ARHGAP12: variants seen among roughly 807,000 people sequenced by gnomAD.
The protein encoded by ARHGAP12 is rho GTPase-activating protein 12.
A neutral mutation model predicts 108.6 loss-of-function variants in ARHGAP12; 64 were observed. That is an observed-to-expected ratio of 0.59 (90% confidence interval 0.48 to 0.73). ARHGAP12 has a LOEUF of 0.73. Ranked by LOEUF, ARHGAP12 falls within the 30% of genes least tolerant of loss-of-function variation. The pLI, the probability that ARHGAP12 is intolerant of heterozygous loss-of-function variation, is 0.00. For synonymous variants in ARHGAP12, 312 were observed against 337.2 expected (o/e 0.93, Z 0.82); for missense variants, 940 against 1,005.9 (o/e 0.93, Z 0.89).
intron 10 of ARHGAP12, among the ~76,000 whole-genome samples, chr10:31,830,237 A>T (rs538262457): frequency 2.0e-5 from 3 of 152,146 alleles, no homozygotes; most frequent in Non-Finnish European, 4.4e-5. Context: ...CATTTAAAGG[A>T]GTCTTCAGAC....
At position 31,908,199 on chromosome 10, in the gene ARHGAP12, A is replaced by G. The variant is rs181642145; in HGVS notation, c.657T>C (p.Leu219=). ...IHQDSESGDE[L]SSSSTEQIRA... is the part of the protein sequence containing the mutation. Reference sequence around the variant, plus strand: ...TTATCTGTTCAGTGGAGCTGCTGCTAAGTTCATCACCAGATTCAGAATCTT... The same window carrying G: ...TTATCTGTTCAGTGGAGCTGCTGCTGAGTTCATCACCAGATTCAGAATCTT... Residue 219 remains leucine, a synonymous_variant, in exon 3 of 20, where the codon CTT becomes CTC. Coordinates refer to ENST00000344936, the MANE Select transcript of ARHGAP12 (RefSeq NM_018287.7). 1.3e-4 allele frequency: 212 copies of G among 1,608,842 alleles called. 1 individual carries two copies. The highest frequency in any genetic ancestry group is 1.2e-3 in the Middle Eastern group (7 of 6,014).
intron 1 of ARHGAP12, among the ~76,000 whole-genome samples, chr10:31,917,952 C>A (rs372271840): frequency 1.4e-5 from 2 of 147,900 alleles, no homozygotes; most frequent in African/African-American, 2.5e-5. Context: ...ATATCAAATA[C>A]CTTTTTTTTT....
At chr10:31,812,462 T>C (rs1242332260) in intron 15 of ARHGAP12, among the ~76,000 whole-genome samples, 1 of 152,212 alleles carries the variant, frequency 6.6e-6, no homozygotes, top group East Asian at 1.9e-4. Flanking sequence ...ATCACATCCA[T>C]GTAGTTCCTC....
chr10:31,841,059 A>T (rs1031842654), intron 7 of ARHGAP12, among the ~76,000 whole-genome samples: 7 of 152,142 alleles, frequency 4.6e-5, no homozygotes, highest in Non-Finnish European at 7.4e-5. Context: ...AATGATAATT[A>T]TATTTTTCAT....
intron 1 of ARHGAP12, among the ~76,000 whole-genome samples, chr10:31,917,262 G>A (rs932473417): frequency 3.3e-5 from 5 of 151,986 alleles, no homozygotes; most frequent in Non-Finnish European, 7.4e-5. Flanking sequence ...ATAAAAATTA[G>A]CCAGGCGTGG....
In ARHGAP12 at chr10:31,808,642, C is replaced by T. The variant is rs1834906932; in HGVS notation, c.2366+7G>A. 6.2e-7 allele frequency: 1 copy of T among 1,612,754 alleles called. No homozygotes were observed. Among genetic ancestry groups the T allele is most frequent in the Admixed American group, 1.7e-5 (1 of 59,954 alleles). ...TACCACATCCCATGACTGGGCAGTC[C>T]TCCTACCTTCTGAGATGTCGGAAAA... On this transcript the variant is annotated splice_region_variant and intron_variant, in intron 19 of 19. Coordinates refer to ENST00000344936, the MANE Select transcript of ARHGAP12 (RefSeq NM_018287.7).
chr10:31,916,173 CACTT>C (rs1839547614), intron 1 of ARHGAP12, among the ~76,000 whole-genome samples: 1 of 152,152 alleles, frequency 6.6e-6, no homozygotes, highest in African/African-American at 2.4e-5. Flanking sequence ...TCATCCCAAA[CACTT>C]ACAACTACTA....
At chr10:31,897,171 T>A (rs1466884837) in intron 3 of ARHGAP12, among the ~76,000 whole-genome samples, 1 of 152,100 alleles carries the variant, frequency 6.6e-6, no homozygotes, top group East Asian at 1.9e-4. Flanking sequence ...AAAAAATAAC[T>A]AGTATGAAAT....
intron 18 of ARHGAP12, 121 bp from the exon 19 acceptor site, chr10:31,808,872 G>A (rs1834915234): frequency 1.4e-6 from 2 of 1,379,550 alleles, no homozygotes; most frequent in South Asian, 1.3e-5. Flanking sequence ...CATTTAAAAT[G>A]TTTGGAGTAA....
At chr10:31,902,621 C>T (rs933684091) in intron 3 of ARHGAP12, among the ~76,000 whole-genome samples, 2 of 150,294 alleles carry the variant, frequency 1.3e-5, no homozygotes, top group Non-Finnish European at 3.0e-5. Flanking sequence ...TAATGAGCTA[C>T]AATCGTGCCA....
chr10:31,850,229 T>C (rs1197418172), intron 6 of ARHGAP12, among the ~76,000 whole-genome samples: 1 of 152,228 alleles, frequency 6.6e-6, no homozygotes, highest in Admixed American at 6.5e-5. Context: ...GTTTATTTAA[T>C]TATTGTATTA....
At chr10:31,868,302 T>C (rs1837408429) in intron 3 of ARHGAP12, among the ~76,000 whole-genome samples, 1 of 152,092 alleles carries the variant, frequency 6.6e-6, no homozygotes, top group South Asian at 2.1e-4. Flanking sequence ...GAAATTCCAA[T>C]TAAATTTTAA....
chr10:31,850,923 TTG>T (rs1347359453), intron 6 of ARHGAP12, among the ~76,000 whole-genome samples: 9 of 152,296 alleles, frequency 5.9e-5, no homozygotes, highest in African/African-American at 2.2e-4. Context: ...TTTTATTGAA[TTG>T]TGTTTCATAA....
At chr10:31,830,718 C>T (rs888867438) in intron 10 of ARHGAP12, among the ~76,000 whole-genome samples, 5 of 152,114 alleles carry the variant, frequency 3.3e-5, no homozygotes, top group Non-Finnish European at 5.9e-5. Context: ...AGGTACTACA[C>T]ATTAACCAAA....
intron 14 of ARHGAP12, 50 bp downstream of exon 14, chr10:31,814,209 C>T: frequency 6.9e-7 from 1 of 1,456,268 alleles, no homozygotes; most frequent in Non-Finnish European, 9.6e-7. Context: ...CTTCAAAAAG[C>T]TAAGAGAACA....
chr10:31,898,769 T>C (rs1302360556), intron 3 of ARHGAP12, among the ~76,000 whole-genome samples: 2 of 152,174 alleles, frequency 1.3e-5, no homozygotes, highest in Non-Finnish European at 2.9e-5. Flanking sequence ...GGCTACACCA[T>C]CTAGCCTGGG....
chr10:31,864,983 C>A (rs903750335), intron 3 of ARHGAP12, among the ~76,000 whole-genome samples: 1 of 148,698 alleles, frequency 6.7e-6, no homozygotes, highest in East Asian at 1.9e-4. Flanking sequence ...AGGAGTTAGC[C>A]CGGTAAAAGT....
Position 31,817,843 on chromosome 10 carries a change from T to C in ARHGAP12, c.1676A>G (p.Asn559Ser), listed in dbSNP as rs147085066. The C allele has an allele frequency of 3.6e-5, 58 of 1,612,546 alleles. No individual in the cohort carries two copies. The highest frequency in any genetic ancestry group is 1.6e-4 in the Middle Eastern group (1 of 6,070). Residue 559 changes from asparagine (N) to serine (S), a missense_variant, in exon 13 of 20, where the codon AAT (asparagine) becomes AGT (serine). Asn to Ser is a conservative substitution (Grantham distance 46). Transcript: ENST00000344936. ...AAACCAATCATTAATAACAGTGTCA[T>C]TGTCAGACTGAATTAGCAGTTCTGT... ...QGTELLIQSD[N>S]DTVINDWFKV...
intron 1 of ARHGAP12, among the ~76,000 whole-genome samples, chr10:31,911,779 A>C (rs1036860609): frequency 6.6e-6 from 1 of 152,244 alleles, no homozygotes; most frequent in Non-Finnish European, 1.5e-5. Flanking sequence ...TCTTGTCAAA[A>C]GCATGTTTCA....
Sources: gnomAD v4.1 joint callset for allele counts (sites outside exome capture counted in the v4.1 genomes callset) on GRCh38, gnomAD v4.1.1 for gene constraint, MANE v1.5 for transcripts, NCBI Gene and HGNC (gene_info 2026-07-23, HGNC 2026-07-21) for gene names.